The following NDUFS1 variants were observed in gnomAD, a reference collection of about 807,000 sequenced individuals.
NDUFS1 encodes the protein NADH:ubiquinone oxidoreductase core subunit S1, also known as NADH-ubiquinone oxidoreductase 75 kDa subunit, mitochondrial.
NDUFS1 carries 61 observed loss-of-function variants against 84.4 expected under a neutral mutation model. The observed-to-expected ratio is 0.72, with a 90% confidence interval of 0.59 to 0.89. The LOEUF is 0.89. Ranked by LOEUF, NDUFS1 falls within the 40% of genes least tolerant of loss-of-function variation. The pLI is 0.00. For synonymous variants in NDUFS1, 275 were observed against 290.0 expected, an observed-to-expected ratio of 0.95 and a Z score of 0.53; for missense variants, 891 against 890.0, an observed-to-expected ratio of 1.00 and a Z score of -0.01.
In NDUFS1 at chr2:206,144,007, T is replaced by A; in HGVS notation, c.987+11A>T. On this transcript the variant is annotated intron_variant, in intron 10 of 18. Coordinates refer to ENST00000233190, the MANE Select transcript of NDUFS1 (RefSeq NM_005006.7). ...CAAACACTATTTAACACTATTTATT[T>A]CAAATTTTACCATTCCAGCTACGCG... 6.3e-7 allele frequency: 1 copy of A among 1,584,616 alleles called. No individual in the cohort carries two copies. The highest frequency in any genetic ancestry group is 8.7e-7 in the Non-Finnish European group (1 of 1,153,402).
chr2:206,156,037 G>A (rs1235679661), intron 1 of NDUFS1, among the ~76,000 whole-genome samples: 3 of 151,568 alleles, frequency 2.0e-5, no homozygotes, highest in African/African-American at 4.8e-5. Context: ...GCTGAGGCAG[G>A]TGGATCACGA....
Position 206,117,287 on chromosome 2 carries a change from C to G in NDUFS1, c.*6898G>C, listed in dbSNP as rs1483736447. The G allele has an allele frequency of 6.6e-6, 1 of 152,214 alleles. No homozygotes were observed. The highest frequency in any genetic ancestry group is 1.5e-5 in the Non-Finnish European group (1 of 68,042). 9.4% of individuals were successfully genotyped at this position (152,214 alleles called of 1,614,324 possible). On this transcript the variant is annotated 3_prime_UTR_variant, in exon 19 of 19. Transcript: ENST00000233190. Reference sequence around the variant, plus strand: ...TGCCCACTGTGTTATGTACTTACCTCTATTAGAATATGTTATGTCATTACT... The same window carrying G: ...TGCCCACTGTGTTATGTACTTACCTGTATTAGAATATGTTATGTCATTACT...
intron 10 of NDUFS1, 74 bp downstream of exon 10, chr2:206,143,944 A>AT: frequency 8.5e-7 from 1 of 1,170,818 alleles, no homozygotes; most frequent in Non-Finnish European, 1.2e-6. Context: ...AGAAATATAC[A>AT]TCCCCCCCTT....
At chr2:206,156,262 C>CAA (rs577904073) in intron 1 of NDUFS1, among the ~76,000 whole-genome samples, 41 of 94,084 alleles carry the variant, frequency 4.4e-4, no homozygotes, top group African/African-American at 7.8e-4. Context: ...CACTCTGTCT[C>CAA]AAAAAAAAAA....
At chr2:206,139,735 T>C (rs2105962996) in intron 12 of NDUFS1, among the ~76,000 whole-genome samples, 1 of 151,740 alleles carries the variant, frequency 6.6e-6, no homozygotes, top group East Asian at 1.9e-4. Flanking sequence ...TTCCCTGTTA[T>C]CCTGATGTAA....
At chr2:206,140,935 T>TAC (rs1229955980) in intron 12 of NDUFS1, among the ~76,000 whole-genome samples, 1 of 61,810 alleles carries the variant, frequency 1.6e-5, no homozygotes, top group Non-Finnish European at 3.0e-5. Flanking sequence ...TATATATATA[T>TAC]ATATATATAC....
chr2:206,123,510 A>T lies in NDUFS1; in HGVS notation c.*675T>A, dbSNP rs1337284835. ...TGCAGTTAAGAACAACAGGCTTTGG[A>T]GTAAATAAGAAGTAGGTTTGAGTTG... On this transcript the variant is annotated 3_prime_UTR_variant, in exon 19 of 19. Transcript: ENST00000233190. The T allele has an allele frequency of 6.6e-6, 1 of 152,198 alleles. No homozygotes were observed. The highest frequency in any genetic ancestry group is 1.5e-5 in the Non-Finnish European group (1 of 68,046). 9.4% of individuals were successfully genotyped at this position (152,198 alleles called of 1,614,324 possible). A position where few individuals can be genotyped will look rare whatever the true frequency, so the allele number is the denominator to read the frequency against.
intron 2 of NDUFS1, 63 bp downstream of exon 2, chr2:206,153,555 G>A: frequency 1.0e-6 from 1 of 979,410 alleles, no homozygotes; most frequent in Non-Finnish European, 1.6e-6. Flanking sequence ...CTATGCCATA[G>A]ACTTATAAAT....
At position 206,146,931 on chromosome 2, in the gene NDUFS1, C is replaced by T. The variant is rs1252813792; in HGVS notation, c.709G>A (p.Ala237Thr). 1 of 1,614,104 alleles carries T rather than the reference C, an allele frequency of 6.2e-7. No homozygotes were observed. Among genetic ancestry groups the T allele is most frequent in the South Asian group, 1.1e-5 (1 of 91,082 alleles). Residue 237 changes from alanine (A) to threonine (T), a missense_variant, in exon 8 of 19, where the codon GCC (alanine) becomes ACC (threonine). Coordinates refer to ENST00000233190, the MANE Select transcript of NDUFS1 (RefSeq NM_005006.7). ...GTTTCCCAAGGCCGGGCAGTAAAGG[C>T]ATAGGGCTTAGAGGTTAGGGCACCT... ...PVGALTSKPY[A>T]FTARPWETRK...
Position 206,115,776 on chromosome 2 carries a change from C to T in NDUFS1, c.*8409G>A. 2.5e-6 allele frequency: 1 copy of T among 395,682 alleles called. No homozygotes were observed. Among genetic ancestry groups the T allele is most frequent in the Non-Finnish European group, 4.8e-6 (1 of 208,322 alleles). 24.5% of individuals were successfully genotyped at this position (395,682 alleles called of 1,614,324 possible). A position where few individuals can be genotyped will look rare whatever the true frequency, so the allele number is the denominator to read the frequency against. ...TCCAGGTATGGACATACACAAGTTA[C>T]AATATTATATAAGGCTTAAGAATAA... On this transcript the variant is annotated 3_prime_UTR_variant, in exon 19 of 19. Transcript: ENST00000233190.
chr2:206,136,438 GTTT>G (rs59751619), intron 13 of NDUFS1, among the ~76,000 whole-genome samples: 14 of 125,950 alleles, frequency 1.1e-4, no homozygotes, highest in Admixed American at 8.3e-4. Flanking sequence ...TTTTTTTTTT[GTTT>G]TTTTTTTTTT....
chr2:206,156,711 T>C (rs1687669361), intron 1 of NDUFS1, among the ~76,000 whole-genome samples: 1 of 152,258 alleles, frequency 6.6e-6, no homozygotes, highest in African/African-American at 2.4e-5. Context: ...TCTGCATACT[T>C]ATCATAGATG....
intron 8 of NDUFS1, among the ~76,000 whole-genome samples, chr2:206,146,119 C>T (rs923822401): frequency 3.9e-5 from 6 of 152,224 alleles, no homozygotes; most frequent in Non-Finnish European, 7.3e-5. Flanking sequence ...AAGAACATAA[C>T]TCTTATTAGG....
Position 206,119,713 on chromosome 2 carries a change from C to G in NDUFS1, c.*4472G>C, listed in dbSNP as rs914422461. ...TACAGGCTTGAGCTACTGTGCCAGG[C>G]CAAGTATATTTTTAATTAATGTATT... On this transcript the variant is annotated 3_prime_UTR_variant, in exon 19 of 19. Transcript: ENST00000233190. 6.6e-6 allele frequency: 1 copy of G among 152,206 alleles called. No homozygotes were observed. Among genetic ancestry groups the G allele is most frequent in the South Asian group, 2.1e-4 (1 of 4,826 alleles). The allele number at this position is 152,206 out of a possible 1,614,324, so 9.4% of individuals were successfully genotyped here.
At chr2:206,143,455 T>C (rs542100910) in intron 10 of NDUFS1, among the ~76,000 whole-genome samples, 1 of 152,210 alleles carries the variant, frequency 6.6e-6, no homozygotes, top group Non-Finnish European at 1.5e-5. Context: ...TCCTCTGAAG[T>C]ATCTGCCTTT....
chr2:206,142,940 A>C, intron 10 of NDUFS1, 109 bp from the exon 11 acceptor site: 2 of 1,451,798 alleles, frequency 1.4e-6, no homozygotes, highest in Non-Finnish European at 1.9e-6. Context: ...AAAAAAGTTA[A>C]CAGACTTCTG....
At chr2:206,144,624 T>C (rs895101530) in intron 9 of NDUFS1, among the ~76,000 whole-genome samples, 2 of 152,166 alleles carry the variant, frequency 1.3e-5, no homozygotes, top group Non-Finnish European at 2.9e-5. Flanking sequence ...TTTTCTCTAA[T>C]GAACAAACTG....
In NDUFS1 at chr2:206,138,589, C is replaced by T; in HGVS notation, c.1288G>A (p.Ala430Thr). 6.2e-7 allele frequency: 1 copy of T among 1,613,906 alleles called. No individual in the cohort carries two copies. The highest frequency in any genetic ancestry group is 1.3e-5 in the African/African-American group (1 of 75,010). Reference protein sequence around the residue: ...KSWLHNDLKVALIGSPVDLTY... With the variant: ...KSWLHNDLKVTLIGSPVDLTY... ...AGGTCCACTGGACTGCCTATAAGGGCCACTTTTAAGTCATTATGCAGCCAG... is the reference window on the plus strand; with the variant it reads ...AGGTCCACTGGACTGCCTATAAGGGTCACTTTTAAGTCATTATGCAGCCAG... The change falls in exon 13 of 19, where the codon GCC (alanine) becomes ACC (threonine). Residue 430 changes from alanine to threonine, a missense_variant. Physicochemically the swap from Ala to Thr is moderately conservative, Grantham distance 58. Coordinates refer to ENST00000233190, the MANE Select transcript of NDUFS1 (RefSeq NM_005006.7).
At chr2:206,140,943 T>TATACACACACACACACACACACACACAC (rs367723817) in intron 12 of NDUFS1, among the ~76,000 whole-genome samples, 8 of 136,108 alleles carry the variant, frequency 5.9e-5, no homozygotes, top group African/African-American at 1.9e-4. Flanking sequence ...TATATATATA[T>TATACACACACACACACACACACACACAC]ACACACACAC....
Sources: allele counts gnomAD v4.1 joint callset (sites outside exome capture counted in the v4.1 genomes callset), GRCh38; gene constraint gnomAD v4.1.1; transcripts MANE v1.5; gene names NCBI Gene and HGNC (gene_info 2026-07-23, HGNC 2026-07-21).